The following SEMA3E variants were observed in gnomAD, a reference collection of about 807,000 sequenced individuals.
SEMA3E encodes semaphorin 3E.
A neutral mutation model predicts 93.6 loss-of-function variants in SEMA3E; 49 were observed. That is an observed-to-expected ratio of 0.52 (90% CI 0.42 to 0.66). The LOEUF (loss-of-function observed/expected upper bound fraction) is 0.66. Ranked by LOEUF, SEMA3E falls within the 30% of genes least tolerant of loss-of-function variation. The probability of loss-of-function intolerance (pLI) is 0.00; values close to 1 mark genes in which losing one functional copy is unlikely to be tolerated. For missense variants in SEMA3E, 906 were observed against 964.8 expected (o/e 0.94, Z 0.81); for synonymous variants, 363 against 330.7 (o/e 1.10, Z -1.06).
chr7:83,403,498 G>A (rs1788269565), intron 9 of SEMA3E, among the ~76,000 whole-genome samples: 1 of 151,890 alleles, frequency 6.6e-6, no homozygotes, highest in African/African-American at 2.4e-5. Context: ...AAGTTTTATT[G>A]AAGATATTTG....
At chr7:83,411,315 A>G (rs1788435245) in intron 5 of SEMA3E, among the ~76,000 whole-genome samples, 1 of 152,136 alleles carries the variant, frequency 6.6e-6, no homozygotes, top group Non-Finnish European at 1.5e-5. Context: ...AGCAATTCCC[A>G]TAACACAATA....
At chr7:83,521,293 A>T (rs936179520) in intron 1 of SEMA3E, among the ~76,000 whole-genome samples, 1 of 152,100 alleles carries the variant, frequency 6.6e-6, no homozygotes, top group Non-Finnish European at 1.5e-5. Context: ...ATTGAGGTTC[A>T]ACCTGGAAAG....
chr7:83,481,197 C>T (rs1790138657), intron 2 of SEMA3E, among the ~76,000 whole-genome samples: 1 of 151,906 alleles, frequency 6.6e-6, no homozygotes, highest in East Asian at 1.9e-4. Context: ...AAAATGTCTA[C>T]GAGGATGTTT....
intron 1 of SEMA3E, among the ~76,000 whole-genome samples, chr7:83,579,131 A>G (rs2115898294): frequency 6.6e-6 from 1 of 152,276 alleles, no homozygotes; most frequent in East Asian, 1.9e-4. Context: ...TGAATTGAGT[A>G]GTTATGTTAG....
At chr7:83,510,994 T>C (rs762291901) in intron 1 of SEMA3E, among the ~76,000 whole-genome samples, 13 of 152,174 alleles carry the variant, frequency 8.5e-5, no homozygotes, top group Non-Finnish European at 1.9e-4. Flanking sequence ...AAGATGGTGT[T>C]TCATCACTCA....
chr7:83,540,487 T>G (rs971740087), intron 1 of SEMA3E, among the ~76,000 whole-genome samples: 1 of 152,184 alleles, frequency 6.6e-6, no homozygotes, highest in African/African-American at 2.4e-5. Flanking sequence ...CAGCCATATA[T>G]TATGTCCCTA....
intron 1 of SEMA3E, among the ~76,000 whole-genome samples, chr7:83,493,825 A>T (rs1018588445): frequency 1.3e-5 from 2 of 151,860 alleles, no homozygotes; most frequent in East Asian, 3.9e-4. Flanking sequence ...AATTTTCTCT[A>T]AGGCCTGGAC....
chr7:83,634,958 C>T (rs191054483), intron 1 of SEMA3E, among the ~76,000 whole-genome samples: 16 of 152,006 alleles, frequency 1.1e-4, no homozygotes, highest in East Asian at 3.9e-4. Flanking sequence ...TTATAATTTA[C>T]GTTTTGATTA....
rs5885347 is a variant in SEMA3E at position 83,388,808 on chromosome 7, C to CTTT, written c.1668-1761_1668-1759dup. On this transcript the variant is annotated intron_variant, in intron 14 of 16. Transcript: ENST00000643230. The stretch of plus-strand genomic sequence containing the variant: ...AATGACACCTAAAATCTATTTCAGT[C>CTTT]TTTTTTTTTTTTTTCATTCTAGGGT... Among the ~76,000 whole-genome samples, 257 of 141,092 alleles carry CTTT rather than the reference C, an allele frequency of 1.8e-3. 1 individual carries two copies. Among genetic ancestry groups the CTTT allele is most frequent in the East Asian group, 9.3e-3 (45 of 4,816 alleles). 92.6% of individuals were successfully genotyped at this position (141,092 alleles called of 152,430 possible). A position where few individuals can be genotyped will look rare whatever the true frequency, so the allele number is the denominator to read the frequency against.
intron 1 of SEMA3E, among the ~76,000 whole-genome samples, chr7:83,595,277 A>G (rs1334110065): frequency 2.0e-5 from 3 of 152,084 alleles, no homozygotes; most frequent in Middle Eastern, 3.2e-3. Context: ...TCACAATTCC[A>G]TGACATATAA....
At chr7:83,498,852 C>T (rs1171280521) in intron 1 of SEMA3E, among the ~76,000 whole-genome samples, 1 of 152,132 alleles carries the variant, frequency 6.6e-6, no homozygotes, top group Admixed American at 6.6e-5. Context: ...GATAAACTTC[C>T]TTCCATCTGG....
Position 83,453,028 on chromosome 7 carries a change from C to A in SEMA3E, c.456+13454G>T, listed in dbSNP as rs1447135840. 2.0e-5 allele frequency among the ~76,000 whole-genome samples: 3 copies of A among 151,518 alleles called. 1 individual carries two copies. The South Asian group carries it at 6.3e-4, about 32-fold the overall frequency. The stretch of plus-strand genomic sequence containing the variant: ...GAATTCTTCTAATGCTAATTTATAT[C>A]ATATATATATATAATTTGAGATGGA... On this transcript the variant is annotated intron_variant, in intron 4 of 16. Coordinates refer to ENST00000643230, the MANE Select transcript of SEMA3E (RefSeq NM_012431.3).
intron 4 of SEMA3E, among the ~76,000 whole-genome samples, chr7:83,445,692 T>C (rs2371672): frequency 0.83 from 126,191 of 152,066 alleles, 55,986 homozygotes; most frequent in East Asian, 1. Flanking sequence ...CATTCCAGCC[T>C]GGGCAACAAG....
chr7:83,396,192 CTTT>C (rs202151687), intron 12 of SEMA3E, among the ~76,000 whole-genome samples: 1,554 of 151,882 alleles, frequency 0.01, 14 homozygotes, highest in Non-Finnish European at 0.016. Flanking sequence ...TTTTTCATGT[CTTT>C]TTTATTATCA....
intron 1 of SEMA3E, among the ~76,000 whole-genome samples, chr7:83,501,875 C>T (rs560814911): frequency 9.3e-4 from 142 of 152,100 alleles, no homozygotes; most frequent in Non-Finnish European, 1.7e-3. Flanking sequence ...CACATTTTTT[C>T]TTCATATACT....
At chr7:83,377,192 GA>G (rs1192130661) in intron 16 of SEMA3E, among the ~76,000 whole-genome samples, 1 of 152,030 alleles carries the variant, frequency 6.6e-6, no homozygotes, top group East Asian at 1.9e-4. Context: ...TGATTTTATT[GA>G]AAATCCATTG....
chr7:83,550,239 T>C (rs1584324999), intron 1 of SEMA3E, among the ~76,000 whole-genome samples: 1 of 152,132 alleles, frequency 6.6e-6, no homozygotes, highest in African/African-American at 2.4e-5. Context: ...AGACAGATGG[T>C]ATTTTGTGTT....
In SEMA3E at chr7:83,402,787, C is replaced by T. The variant is rs773720611; in HGVS notation, c.999-11G>A. 1.2e-6 allele frequency: 2 copies of T among 1,609,584 alleles called. No homozygotes were observed. Among genetic ancestry groups the T allele is most frequent in the Non-Finnish European group, 8.5e-7 (1 of 1,177,362 alleles). ...CCTCGAAAAATATTACTGAAAAATACAAAAAAGATAATTATTCTTCTGGAA... is the reference window on the plus strand; with the variant it reads ...CCTCGAAAAATATTACTGAAAAATATAAAAAAGATAATTATTCTTCTGGAA... On this transcript the variant is annotated splice_polypyrimidine_tract_variant and intron_variant, in intron 9 of 16. Transcript: ENST00000643230.
intron 1 of SEMA3E, among the ~76,000 whole-genome samples, chr7:83,601,636 G>T (rs933434279): frequency 6.6e-6 from 1 of 152,024 alleles, no homozygotes; most frequent in South Asian, 2.1e-4. Flanking sequence ...ATTAATGTTG[G>T]TTAGCCTCCT....
Sources: allele counts gnomAD v4.1 joint callset (sites outside exome capture counted in the v4.1 genomes callset), GRCh38; gene constraint gnomAD v4.1.1; transcripts MANE v1.5; gene names NCBI Gene and HGNC (gene_info 2026-07-23, HGNC 2026-07-21).